The following C2 variants were observed in gnomAD, a reference collection of about 807,000 sequenced individuals.
The protein encoded by C2 is C3/C5 convertase.
Under a neutral mutation model 85.2 loss-of-function variants are expected in C2, and 64 were observed. That is an observed-to-expected ratio of 0.75 (90% CI 0.61 to 0.92). The LOEUF is 0.92. Ranked by LOEUF, C2 falls within the 40% of genes least tolerant of loss-of-function variation. The pLI is 0.00. For missense variants in C2, 820 were observed against 971.6 expected (o/e 0.84, Z 2.07); for synonymous variants, 311 against 370.8 (o/e 0.84, Z 1.85).
chr6:31,934,155 C>T lies in C2; in HGVS notation c.716-11C>T, dbSNP rs755504791. ...TGGGGATCTGAATCCTCCCCTTCCA[C>T]ATTTCTCCAGAAAGCCTGGGCCGTA... is the stretch of plus-strand genomic sequence containing the variant. On this transcript the variant is annotated splice_polypyrimidine_tract_variant and intron_variant, in intron 5 of 17. Transcript: ENST00000299367. 6.2e-7 allele frequency: 1 copy of T among 1,614,178 alleles called. No individual in the cohort carries two copies. Among genetic ancestry groups the T allele is most frequent in the South Asian group, 1.1e-5 (1 of 91,092 alleles).
chr6:31,938,853 A>G (rs1421068279), intron 8 of C2, among the ~76,000 whole-genome samples: 1 of 152,086 alleles, frequency 6.6e-6, no homozygotes, highest in African/African-American at 2.4e-5. Context: ...CGGTTTCTCC[A>G]TGTTGGTCAA....
At chr6:31,915,974 C>G, upstream of C2, among the ~76,000 whole-genome samples, 1 of 152,210 alleles carries the variant, frequency 6.6e-6, no homozygotes, top group South Asian at 2.1e-4. Context: ...TCACAGCGTT[C>G]CTACCCTTTA....
At chr6:31,899,721 C>T (rs146437617), upstream of C2, 2,818 of 590,886 alleles carry the variant, frequency 4.8e-3, 21 homozygotes, top group Middle Eastern at 0.021. Context: ...TCCAAGAACC[C>T]TTTTCCCAGC....
chr6:31,909,392 GCTTAGCCTCCCGC>G (rs1463453441), intron 1 of C2, among the ~76,000 whole-genome samples: 3 of 151,682 alleles, frequency 2.0e-5, no homozygotes, highest in Non-Finnish European at 4.4e-5. Flanking sequence ...CACCTCCCAG[GCTTAGCCTCCCGC>G]CTTAGCCTCC....
At chr6:31,917,399 T>C (rs1768617751), upstream of C2, among the ~76,000 whole-genome samples, 1 of 152,026 alleles carries the variant, frequency 6.6e-6, no homozygotes, top group Non-Finnish European at 1.5e-5. Context: ...ACCAAATGCC[T>C]AATGTTCTCA....
intron 8 of C2, 126 bp downstream of exon 8, chr6:31,937,585 G>A: frequency 8.7e-7 from 1 of 1,144,564 alleles, no homozygotes; most frequent in East Asian, 2.4e-5. Context: ...TTTGTTTTTA[G>A]AGATGGGGCC....
chr6:31,937,185 G>C (rs1230084007), intron 7 of C2, 134 bp from the exon 8 acceptor site: 2 of 847,308 alleles, frequency 2.4e-6, no homozygotes, highest in Non-Finnish European at 3.8e-6. Context: ...CTCTAGCCTG[G>C]GTGGCAGAGC....
chr6:31,936,242 C>G, intron 7 of C2, 181 bp downstream of exon 7: 1 of 654,470 alleles, frequency 1.5e-6, no homozygotes. Context: ...GCCCCCAGCT[C>G]ATAGCTCATT....
intron 1 of C2, among the ~76,000 whole-genome samples, chr6:31,910,932 A>G (rs1768050592): frequency 6.6e-6 from 1 of 151,984 alleles, no homozygotes; most frequent in Non-Finnish European, 1.5e-5. Flanking sequence ...GTGAGCCGAG[A>G]TCGTGCCACT....
In C2 at chr6:31,936,011, C is replaced by G. The variant is rs1770382924; in HGVS notation, c.938C>G (p.Ser313Cys). 1 of 1,612,924 alleles carries G rather than the reference C, an allele frequency of 6.2e-7. No homozygotes were observed. The highest frequency in any genetic ancestry group is 8.5e-7 in the Non-Finnish European group (1 of 1,180,040). ...KVLMSVLNDN[S>C]RDMTEVISSL... is the part of the protein sequence containing the mutation. ...CTCATGTCTGTCCTGAACGACAACT[C>G]CCGGGATATGACTGAGGTGATCAGC... The change falls in exon 7 of 18, where the codon TCC becomes TGC. Residue 313 changes from serine to cysteine, a missense_variant. Physicochemically the swap from Ser to Cys is moderately radical, Grantham distance 112. Coordinates refer to ENST00000299367, the MANE Select transcript of C2 (RefSeq NM_000063.6).
intron 1 of C2, among the ~76,000 whole-genome samples, chr6:31,910,615 T>C (rs1376346580): frequency 7.9e-5 from 12 of 151,940 alleles, no homozygotes. Context: ...ACTATGAAAA[T>C]AAGAATTCAG....
chr6:31,944,638 C>A lies in C2; in HGVS notation c.1903-89C>A. Reference sequence around the variant, plus strand: ...TCAAGTGATCTGCCTGCCTCAACCTCCCAAAGTGCTGAGATTACAGGCGTG... The same window carrying A: ...TCAAGTGATCTGCCTGCCTCAACCTACCAAAGTGCTGAGATTACAGGCGTG... On this transcript the variant is annotated intron_variant, in intron 15 of 17. Coordinates refer to ENST00000299367, the MANE Select transcript of C2 (RefSeq NM_000063.6). The surrounding 1 kb of genome is among the most constrained non-coding windows in gnomAD (Gnocchi z 5.1). 2.7e-6 allele frequency: 4 copies of A among 1,457,616 alleles called. No individual in the cohort carries two copies. The highest frequency in any genetic ancestry group is 3.8e-6 in the Non-Finnish European group (4 of 1,040,304). The allele number at this position is 1,457,616 out of a possible 1,614,324, so 90.3% of individuals were successfully genotyped here.
chr6:31,926,235 A>G (rs1386580354), upstream of C2, among the ~76,000 whole-genome samples: 2 of 152,124 alleles, frequency 1.3e-5, no homozygotes, highest in African/African-American at 4.8e-5. Context: ...GGGAGGCACT[A>G]GCAGCTCTGC....
At chr6:31,919,790 T>A (rs1768837509), upstream of C2, among the ~76,000 whole-genome samples, 1 of 152,220 alleles carries the variant, frequency 6.6e-6, no homozygotes, top group Non-Finnish European at 1.5e-5. Context: ...TTGCAGAGAC[T>A]GCGTAGTATT....
In C2 at chr6:31,943,742, G is replaced by A. The variant is rs780991272; in HGVS notation, c.1666G>A (p.Glu556Lys). The change falls in exon 13 of 18, where the codon GAG becomes AAG. Residue 556 changes from glutamate to lysine, a missense_variant. Glu to Lys is a moderately conservative substitution (Grantham distance 56, BLOSUM62 1). Transcript: ENST00000299367. The surrounding 1 kb of genome is among the most constrained non-coding windows in gnomAD (Gnocchi z 6.4). ...TGCCAAAAAGAACCAGGGAATCCTG[G>A]AGTTCTATGGTGATGACATAGCTCT... is the stretch of plus-strand genomic sequence containing the variant. ...VFAKKNQGIL[E>K]FYGDDIALLK... is the part of the protein sequence containing the mutation. 2.5e-6 allele frequency: 4 copies of A among 1,613,088 alleles called. No homozygotes were observed. Among genetic ancestry groups the A allele is most frequent in the Non-Finnish European group, 2.5e-6 (3 of 1,180,028 alleles).
Position 31,935,145 on chromosome 6 carries a change from G to A in C2, c.850-778G>A, listed in dbSNP as rs1770301895. On this transcript the variant is annotated intron_variant, in intron 6 of 17. Transcript: ENST00000299367. This position sits in a 1 kb window ranked among gnomAD's most constrained non-coding sequence, Gnocchi z 4.3. ...AATACTTCATGTAACATTATAGATG[G>A]TTTTCCCTCCCAGCTACATTTTAAA... is the stretch of plus-strand genomic sequence containing the variant. The A allele has an allele frequency of 1.2e-6, 1 of 868,158 alleles. No homozygotes were observed. The highest frequency in any genetic ancestry group is 1.8e-5 in the African/African-American group (1 of 55,030). 53.8% of individuals were successfully genotyped at this position (868,158 alleles called of 1,614,324 possible).
upstream of C2, among the ~76,000 whole-genome samples, chr6:31,922,863 C>A (rs1284944268): frequency 1.3e-5 from 2 of 152,020 alleles, no homozygotes. This position sits in a 1 kb window ranked among gnomAD's most constrained non-coding sequence, Gnocchi z 4.8. Flanking sequence ...ACCAAAAAAA[C>A]CAAAAGCAAA....
At position 31,944,692 on chromosome 6, in the gene C2, T is replaced by G; in HGVS notation, c.1903-35T>G. On this transcript the variant is annotated intron_variant, in intron 15 of 17. Transcript: ENST00000299367. The surrounding 1 kb of genome is among the most constrained non-coding windows in gnomAD (Gnocchi z 5.1). ...CACTGCACCCACCCGGGTCTGCTTA[T>G]TCTACCCTTCTCTCTGGTTCCACCC... 1.2e-6 allele frequency: 2 copies of G among 1,612,706 alleles called. No homozygotes were observed. Among genetic ancestry groups the G allele is most frequent in the Non-Finnish European group, 1.7e-6 (2 of 1,179,960 alleles).
chr6:31,923,893 G>A (rs1769120233), upstream of C2, among the ~76,000 whole-genome samples: 2 of 151,132 alleles, frequency 1.3e-5, no homozygotes, highest in African/African-American at 2.4e-5. Context: ...TCTGCCTCCC[G>A]GGTTCCTGCC....
Sources: gnomAD v4.1 joint callset for allele counts (sites outside exome capture counted in the v4.1 genomes callset) on GRCh38, gnomAD v4.1.1 for gene constraint, Gnocchi (gnomAD v3.1) non-coding constraint, MANE v1.5 for transcripts, NCBI Gene and HGNC (gene_info 2026-07-23, HGNC 2026-07-21) for gene names.